The following DNAJC25 variants were observed in gnomAD, a reference collection of about 807,000 sequenced individuals.
DNAJC25 encodes the protein dnaJ homolog subfamily C member 25.
Under a neutral mutation model 42.1 loss-of-function variants are expected in DNAJC25, and 26 were observed. The ratio of observed to expected loss-of-function variants is 0.62; its 90% CI spans 0.45 to 0.86. DNAJC25 has a LOEUF of 0.86. Among genes scored for constraint, DNAJC25 ranks in the 40% least tolerant of loss-of-function variants. The pLI is 0.00. For missense variants in DNAJC25, 404 were observed against 459.4 expected (o/e 0.88, Z 1.10); for synonymous variants, 189 against 179.9 (o/e 1.05, Z -0.40).
chr9:111,649,801 G>T lies in DNAJC25; in HGVS notation c.838G>T (p.Glu280Ter), dbSNP rs1187110860. The change falls in exon 3 of 4, where the codon GAA (glutamate) becomes TAA (stop). Residue 280 changes from glutamate to a stop codon, truncating the protein, a stop_gained. Coordinates refer to ENST00000313525, the MANE Select transcript of DNAJC25 (RefSeq NM_001015882.3). LOFTEE classifies it high-confidence loss of function. ...CATCAAAGGCAAAGAATATGGAGAG[G>T]AAGAGAGATTATACATTATACGTAA... Reference protein sequence around the residue: ...FNIKGKEYGEEERLYIIRKSM... With the variant: ...FNIKGKEYGE 1 of 1,613,924 alleles carries T rather than the reference G, an allele frequency of 6.2e-7. No homozygotes were observed. The highest frequency in any genetic ancestry group is 8.5e-7 in the Non-Finnish European group (1 of 1,179,980).
At chr9:111,650,426 TTTAAA>T (rs534509835) in intron 3 of DNAJC25, among the ~76,000 whole-genome samples, 183 of 152,324 alleles carry the variant, frequency 1.2e-3, no homozygotes, top group African/African-American at 3.7e-3. Context: ...TTGTTTTACT[TTTAAA>T]TTAAATCGAA....
intron 1 of DNAJC25, among the ~76,000 whole-genome samples, chr9:111,631,995 C>G (rs10817199): frequency 0.17 from 25,356 of 152,306 alleles, 2,966 homozygotes; most frequent in East Asian, 0.49. Context: ...AAAACTTTGG[C>G]CATCTTACGA....
intron 1 of DNAJC25, among the ~76,000 whole-genome samples, chr9:111,639,980 A>C (rs1830425600): frequency 6.9e-6 from 1 of 144,340 alleles, no homozygotes; most frequent in African/African-American, 2.7e-5. Flanking sequence ...TCTCCCTCTC[A>C]TGCGGAGCCG....
Position 111,649,679 on chromosome 9 carries a change from C to A in DNAJC25, c.716C>A (p.Pro239His). ...GATATAAAGGGGGGCTATCAGAAAC[C>A]CCAAATCTGTGATCTTCTCCTGTTT... ...KIDIKGGYQK[P>H]QICDLLLFQI... The change falls in exon 3 of 4, where the codon CCC becomes CAC. Residue 239 changes from proline (P) to histidine (H), a missense_variant. Transcript: ENST00000313525. 6.2e-7 allele frequency: 1 copy of A among 1,613,860 alleles called. No homozygotes were observed. Among genetic ancestry groups the A allele is most frequent in the Non-Finnish European group, 8.5e-7 (1 of 1,179,934 alleles).
intron 1 of DNAJC25, among the ~76,000 whole-genome samples, chr9:111,635,014 T>A (rs1025443101): frequency 6.6e-5 from 10 of 152,222 alleles, no homozygotes; most frequent in African/African-American, 2.4e-4. Flanking sequence ...CACACACTGC[T>A]TTATAAACTA....
intron 1 of DNAJC25, among the ~76,000 whole-genome samples, chr9:111,646,333 T>G (rs902612691): frequency 6.6e-6 from 1 of 152,250 alleles, no homozygotes; most frequent in Admixed American, 6.5e-5. Flanking sequence ...TTAAATGTTT[T>G]ATCTGTGAAC....
chr9:111,640,824 G>T (rs1175057186), intron 1 of DNAJC25, among the ~76,000 whole-genome samples: 2 of 129,904 alleles, frequency 1.5e-5, no homozygotes, highest in Admixed American at 8.0e-5. Context: ...CACCCCGTCC[G>T]GGAGGGAGGT....
chr9:111,648,894 C>T (rs755615499), intron 2 of DNAJC25, among the ~76,000 whole-genome samples: 7 of 152,116 alleles, frequency 4.6e-5, no homozygotes, highest in Non-Finnish European at 8.8e-5. Flanking sequence ...TTAATGTTCT[C>T]CTGTCCAAAT....
rs375241958 is a variant in DNAJC25 at position 111,649,430 on chromosome 9, T to C, written c.490-23T>C. 24 of 1,534,848 alleles carry C rather than the reference T, an allele frequency of 1.6e-5. No individual in the cohort carries two copies. In the African/African-American group the frequency reaches 2.8e-4, roughly 18 times the overall value. ...GAATTTGGGTAATGAAAATGACTCA[T>C]TGTTCTCTGTTAATTATTCTAGTTT... is the stretch of plus-strand genomic sequence containing the variant. On this transcript the variant is annotated intron_variant, in intron 2 of 3. Coordinates refer to ENST00000313525, the MANE Select transcript of DNAJC25 (RefSeq NM_001015882.3).
intron 1 of DNAJC25, among the ~76,000 whole-genome samples, chr9:111,645,662 A>G (rs1178103124): frequency 6.6e-6 from 1 of 152,374 alleles, no homozygotes; most frequent in East Asian, 1.9e-4. Flanking sequence ...TGGAGGACTC[A>G]GAAGGTGATC....
chr9:111,648,719 CTT>C (rs1160002694), intron 2 of DNAJC25, among the ~76,000 whole-genome samples: 3 of 152,132 alleles, frequency 2.0e-5, no homozygotes. Context: ...ACTGTAGTAA[CTT>C]TTAAAAAAAT....
chr9:111,641,674 T>TG (rs1187035381), intron 1 of DNAJC25, among the ~76,000 whole-genome samples: 17 of 19,148 alleles, frequency 8.9e-4, no homozygotes, highest in African/African-American at 1.1e-3. Context: ...GGGAGGGAGG[T>TG]GGGGGGGGGG....
chr9:111,648,820 A>G (rs553038787), intron 2 of DNAJC25, among the ~76,000 whole-genome samples: 1 of 152,334 alleles, frequency 6.6e-6, no homozygotes, highest in South Asian at 2.1e-4. Flanking sequence ...TTATGGAGGT[A>G]CTATGTGAGG....
At chr9:111,637,222 G>T (rs1037565342) in intron 1 of DNAJC25, among the ~76,000 whole-genome samples, 2 of 152,150 alleles carry the variant, frequency 1.3e-5, no homozygotes, top group East Asian at 3.8e-4. Context: ...GCGAGGTGCC[G>T]TGGGAGGGAG....
rs2131267662 is a variant in DNAJC25 at position 111,647,251 on chromosome 9, G to C, written c.481G>C (p.Val161Leu). Residue 161 changes from valine (V) to leucine (L), a missense_variant, in exon 2 of 4, where the codon GTG (valine) becomes CTG (leucine). Physicochemically the swap from Val to Leu is conservative, Grantham distance 32. Coordinates refer to ENST00000313525, the MANE Select transcript of DNAJC25 (RefSeq NM_001015882.3). ...VILVSVCAIS[V>L]FQFFSWWNSY... ...TTTGGTCAGCGTGTGTGCTATTTCGGTGTTTCAGGTATGTATCAATGGATA... is the reference window on the plus strand; with the variant it reads ...TTTGGTCAGCGTGTGTGCTATTTCGCTGTTTCAGGTATGTATCAATGGATA... 6.2e-7 allele frequency: 1 copy of C among 1,614,064 alleles called. No homozygotes were observed. Among genetic ancestry groups the C allele is most frequent in the South Asian group, 1.1e-5 (1 of 91,062 alleles).
Position 111,631,399 on chromosome 9 carries a change from A to G in DNAJC25, c.-9A>G. 7.9e-7 allele frequency: 1 copy of G among 1,273,530 alleles called. No individual in the cohort carries two copies. Among genetic ancestry groups the G allele is most frequent in the Non-Finnish European group, 9.9e-7 (1 of 1,013,770 alleles). 78.9% of individuals were successfully genotyped at this position (1,273,530 alleles called of 1,614,324 possible). Reference sequence around the variant, plus strand: ...CGCTGGGGTGGCAGAGCCGCCAGCGAGGCTGGGGATGGGGGCGCCGCTGCT... The same window carrying G: ...CGCTGGGGTGGCAGAGCCGCCAGCGGGGCTGGGGATGGGGGCGCCGCTGCT... On this transcript the variant is annotated 5_prime_UTR_variant, in exon 1 of 4. Coordinates refer to ENST00000313525, the MANE Select transcript of DNAJC25 (RefSeq NM_001015882.3).
intron 1 of DNAJC25, among the ~76,000 whole-genome samples, chr9:111,641,322 C>T (rs1234555410): frequency 1.8e-4 from 26 of 144,582 alleles, no homozygotes; most frequent in African/African-American, 5.4e-4. Flanking sequence ...AGCCCCTCTG[C>T]CCGGCCAGCC....
chr9:111,650,159 GA>G (rs935163686), intron 3 of DNAJC25, among the ~76,000 whole-genome samples: 10 of 152,138 alleles, frequency 6.6e-5, no homozygotes, highest in Non-Finnish European at 1.0e-4. Flanking sequence ...AACAAATTAT[GA>G]AAACGTTTTA....
intron 1 of DNAJC25, among the ~76,000 whole-genome samples, chr9:111,644,263 C>A (rs1389124591): frequency 6.6e-6 from 1 of 152,102 alleles, no homozygotes. Flanking sequence ...ATTAGGGGAC[C>A]TTGAACAGAT....
Sources: gnomAD v4.1 joint callset for allele counts (sites outside exome capture counted in the v4.1 genomes callset) on GRCh38, gnomAD v4.1.1 for gene constraint, MANE v1.5 for transcripts, NCBI Gene and HGNC (gene_info 2026-07-23, HGNC 2026-07-21) for gene names.